CNTN6: variants seen among roughly 807,000 people sequenced by gnomAD.
The protein encoded by CNTN6 is contactin 6.
A neutral mutation model predicts 122.8 loss-of-function variants in CNTN6; 137 were observed. That is an observed-to-expected ratio of 1.12 (90% CI 0.97 to 1.29). The LOEUF is 1.29. Ranked by LOEUF, CNTN6 falls within the 50% of genes most tolerant of loss-of-function variation. The probability of loss-of-function intolerance (pLI) is 0.00; values close to 1 mark genes in which losing one functional copy is unlikely to be tolerated. For missense variants in CNTN6, 1,634 were observed against 1,223.4 expected (o/e 1.34, Z -5.01); for synonymous variants, 570 against 426.0 (o/e 1.34, Z -4.16).
intron 7 of CNTN6, among the ~76,000 whole-genome samples, chr3:1,300,908 A>G (rs1559757308): frequency 6.6e-6 from 1 of 152,140 alleles, no homozygotes; most frequent in African/African-American, 2.4e-5. Flanking sequence ...GGTATGTGGA[A>G]TAATTTAAAA....
chr3:1,263,508 T>C (rs937811795), intron 4 of CNTN6, among the ~76,000 whole-genome samples: 1 of 152,160 alleles, frequency 6.6e-6, no homozygotes, highest in Admixed American at 6.6e-5. Context: ...GGGGCCGTTT[T>C]GCAGCCTAGC....
At chr3:1,307,215 T>A (rs908705937) in intron 7 of CNTN6, among the ~76,000 whole-genome samples, 1 of 152,198 alleles carries the variant, frequency 6.6e-6, no homozygotes, top group Non-Finnish European at 1.5e-5. Context: ...TCAAGGATCC[T>A]CACTTTGGGA....
chr3:1,259,068 G>A (rs1345983309), intron 4 of CNTN6, among the ~76,000 whole-genome samples: 1 of 152,092 alleles, frequency 6.6e-6, no homozygotes, highest in African/African-American at 2.4e-5. Context: ...TTAGCTCATG[G>A]GTTGCAGTCT....
Position 1,214,301 on chromosome 3 carries a change from CTTTTTTTTTTTT to C in CNTN6, c.56-6373_56-6362del, listed in dbSNP as rs34799447. ...TTGTTCAAATGTGTTTGTTGGATGT[CTTTTTTTTTTTT>C]TTTTTTTTTTTTGAGACGGAGTTTT... On this transcript the variant is annotated intron_variant, in intron 2 of 22. Transcript: ENST00000446702. Among the ~76,000 whole-genome samples the C allele has an allele frequency of 4.6e-3, 204 of 44,062 alleles. 3 individuals carry two copies. Among genetic ancestry groups the C allele is most frequent in the African/African-American group, 0.017 (177 of 10,122 alleles). The allele number at this position is 44,062 out of a possible 152,430, so 28.9% of individuals were successfully genotyped here.
chr3:1,277,106 A>G (rs1042053080), intron 4 of CNTN6, among the ~76,000 whole-genome samples: 3 of 152,216 alleles, frequency 2.0e-5, no homozygotes, highest in Non-Finnish European at 4.4e-5. Flanking sequence ...TTAGACAAGC[A>G]TGTTTGATAA....
intron 2 of CNTN6, among the ~76,000 whole-genome samples, chr3:1,215,762 CTG>C (rs2094121693): frequency 6.6e-6 from 1 of 151,270 alleles, no homozygotes; most frequent in African/African-American, 2.4e-5. Context: ...GCTTGAGAAA[CTG>C]TGTACAGAAA....
intron 4 of CNTN6, among the ~76,000 whole-genome samples, chr3:1,236,472 G>C (rs1575354960): frequency 1.4e-5 from 2 of 144,706 alleles, no homozygotes; most frequent in African/African-American, 5.7e-5. Flanking sequence ...GCCAGATCCA[G>C]AAAAGCAAAG....
intron 1 of CNTN6, among the ~76,000 whole-genome samples, chr3:1,095,381 G>A (rs1472738282): frequency 1.3e-5 from 2 of 152,174 alleles, no homozygotes; most frequent in Non-Finnish European, 2.9e-5. Context: ...TGAGGCAGGA[G>A]AATCACTTGA....
Position 1,300,603 on chromosome 3 carries a change from AAG to A in CNTN6, c.761+2618_761+2619del, listed in dbSNP as rs142915269. On this transcript the variant is annotated intron_variant, in intron 7 of 22. Transcript: ENST00000446702. Reference sequence around the variant, plus strand: ...AAAGAAAGAAAGAAAGAAAGAAAGAAAGAGAGAAAGAAAGGAAGAAAAGGAGA... The same window carrying A: ...AAAGAAAGAAAGAAAGAAAGAAAGAAAGAGAAAGAAAGGAAGAAAAGGAGA... Among the ~76,000 whole-genome samples, 878 of 117,308 alleles carry A rather than the reference AAG, an allele frequency of 7.5e-3. 16 individuals are homozygous for A. The highest frequency in any genetic ancestry group is 0.046 in the African/African-American group (811 of 17,496). The allele number at this position is 117,308 out of a possible 152,430, so 77.0% of individuals were successfully genotyped here.
chr3:1,368,037 A>T (rs1333579212), intron 12 of CNTN6, among the ~76,000 whole-genome samples: 2 of 152,228 alleles, frequency 1.3e-5, no homozygotes, highest in Non-Finnish European at 2.9e-5. Context: ...AGGAAGGCAT[A>T]CACATGGACA....
At chr3:1,374,536 G>T (rs1449921625) in intron 16 of CNTN6, among the ~76,000 whole-genome samples, 3 of 151,962 alleles carry the variant, frequency 2.0e-5, no homozygotes, top group Admixed American at 2.0e-4. Context: ...TGCAAATGAG[G>T]TAAATCCTAA....
chr3:1,376,187 G>A (rs1384249429), intron 16 of CNTN6, among the ~76,000 whole-genome samples: 1 of 151,996 alleles, frequency 6.6e-6, no homozygotes, highest in South Asian at 2.1e-4. Flanking sequence ...AAACACTTAC[G>A]CATGTGTAAA....
At chr3:1,201,889 G>C (rs892195422) in intron 2 of CNTN6, among the ~76,000 whole-genome samples, 1 of 150,172 alleles carries the variant, frequency 6.7e-6, no homozygotes, top group African/African-American at 2.4e-5. Flanking sequence ...AAATTGATGG[G>C]ATAGTATAGA....
In CNTN6 at chr3:1,171,200, G is replaced by C. The variant is rs557504873; in HGVS notation, c.55+23137G>C. ...TGAGCTAAATATTCAATGTTAAAATGGACAGGGGGTCATGCTCCATCTCAT... is the reference window on the plus strand; with the variant it reads ...TGAGCTAAATATTCAATGTTAAAATCGACAGGGGGTCATGCTCCATCTCAT... On this transcript the variant is annotated intron_variant, in intron 2 of 22. Coordinates refer to ENST00000446702, the MANE Select transcript of CNTN6 (RefSeq NM_001289080.2). 8.5e-5 allele frequency among the ~76,000 whole-genome samples: 13 copies of C among 152,240 alleles called. No individual in the cohort carries two copies. The East Asian group carries it at 2.3e-3, about 27-fold the overall frequency.
intron 12 of CNTN6, among the ~76,000 whole-genome samples, chr3:1,358,685 C>T (rs907542000): frequency 9.2e-5 from 14 of 151,946 alleles, no homozygotes; most frequent in African/African-American, 3.1e-4. Flanking sequence ...CTCATTTTGA[C>T]TCCCTCATCC....
At chr3:1,228,832 T>G (rs1282929069) in intron 4 of CNTN6, among the ~76,000 whole-genome samples, 1 of 152,198 alleles carries the variant, frequency 6.6e-6, no homozygotes, top group Admixed American at 6.5e-5. Flanking sequence ...AACAAATACA[T>G]GACCAAAACT....
chr3:1,271,107 G>A (rs115992903), intron 4 of CNTN6, among the ~76,000 whole-genome samples: 6,523 of 152,174 alleles, frequency 0.043, 165 homozygotes, highest in Non-Finnish European at 0.059. Flanking sequence ...CCAACTCCTG[G>A]TCTCATGTGA....
chr3:1,321,489 A>C (rs932773770), intron 7 of CNTN6, among the ~76,000 whole-genome samples, 161 bp from the exon 8 acceptor site: 2 of 151,784 alleles, frequency 1.3e-5, no homozygotes, highest in African/African-American at 2.4e-5. Context: ...TAAATGACTG[A>C]TTGAGTGAAT....
At chr3:1,173,805 C>T (rs2093402292) in intron 2 of CNTN6, among the ~76,000 whole-genome samples, 2 of 151,552 alleles carry the variant, frequency 1.3e-5, no homozygotes, top group Admixed American at 6.6e-5. Context: ...AAATAATGAG[C>T]TAGACGAGAA....
Sources: gnomAD v4.1 joint callset for allele counts (sites outside exome capture counted in the v4.1 genomes callset) on GRCh38, gnomAD v4.1.1 for gene constraint, MANE v1.5 for transcripts, NCBI Gene and HGNC (gene_info 2026-07-23, HGNC 2026-07-21) for gene names.